The following PTPRD variants were observed in gnomAD, a reference collection of about 807,000 sequenced individuals.
PTPRD encodes protein tyrosine phosphatase receptor type D, also known as receptor-type tyrosine-protein phosphatase delta.
Under a neutral mutation model 214.5 loss-of-function variants are expected in PTPRD, and 34 were observed. That is an observed-to-expected ratio of 0.16 (90% CI 0.12 to 0.21). The LOEUF is 0.21. Ranked by LOEUF, PTPRD falls within the 10% of genes least tolerant of loss-of-function variation. PTPRD has a pLI of 1.00. For synonymous variants in PTPRD, 1,128 were observed against 845.7 expected, an observed-to-expected ratio of 1.33 and a Z score of -5.79; for missense variants, 2,545 against 2,398.7, an observed-to-expected ratio of 1.06 and a Z score of -1.27.
intron 9 of PTPRD, among the ~76,000 whole-genome samples, chr9:9,247,105 C>T (rs10977614): frequency 6.6e-6 from 1 of 151,930 alleles, no homozygotes; most frequent in East Asian, 1.9e-4. Flanking sequence ...TCACTCTAGC[C>T]TTCTTCCACC....
At chr9:8,766,974 T>A (rs1011107364) in intron 11 of PTPRD, among the ~76,000 whole-genome samples, 1 of 152,224 alleles carries the variant, frequency 6.6e-6, no homozygotes, top group Non-Finnish European at 1.5e-5. Flanking sequence ...GAGGACTTAC[T>A]GTATATGTTT....
At chr9:8,777,576 C>A (rs1430507851) in intron 11 of PTPRD, among the ~76,000 whole-genome samples, 1 of 152,104 alleles carries the variant, frequency 6.6e-6, no homozygotes, top group Non-Finnish European at 1.5e-5. Flanking sequence ...CTAAAACTGT[C>A]CTGAGAATGT....
intron 11 of PTPRD, among the ~76,000 whole-genome samples, chr9:8,829,550 T>A (rs1431130271): frequency 2.6e-5 from 4 of 152,208 alleles, no homozygotes; most frequent in Non-Finnish European, 5.9e-5. Context: ...GAAATCTTTA[T>A]CATAACACAC....
At chr9:10,294,260 C>T (rs2095611447) in intron 3 of PTPRD, among the ~76,000 whole-genome samples, 1 of 151,674 alleles carries the variant, frequency 6.6e-6, no homozygotes, top group Non-Finnish European at 1.5e-5. Flanking sequence ...TGATAATGTT[C>T]AGTGGTTCTG....
chr9:9,869,290 A>C (rs1053693237), intron 5 of PTPRD, among the ~76,000 whole-genome samples: 1 of 152,156 alleles, frequency 6.6e-6, no homozygotes, highest in African/African-American at 2.4e-5. Context: ...ATGCAGAAGA[A>C]ATGTTGCATT....
At chr9:8,759,606 G>C (rs1250140284) in intron 11 of PTPRD, among the ~76,000 whole-genome samples, 1 of 126,576 alleles carries the variant, frequency 7.9e-6, no homozygotes, top group African/African-American at 3.0e-5. Flanking sequence ...TTTTGTTCCT[G>C]TTACATTTCT....
At chr9:10,438,408 T>C (rs2154522663) in intron 2 of PTPRD, among the ~76,000 whole-genome samples, 1 of 151,794 alleles carries the variant, frequency 6.6e-6, no homozygotes, top group East Asian at 1.9e-4. Flanking sequence ...CATAATCCCA[T>C]TGTAAATAGA....
At chr9:8,462,687 C>T (rs1364165583) in intron 32 of PTPRD, among the ~76,000 whole-genome samples, 1 of 151,920 alleles carries the variant, frequency 6.6e-6, no homozygotes, top group African/African-American at 2.4e-5. Context: ...TTGAATACTG[C>T]CTCCAATGAA....
At chr9:9,339,430 G>T (rs1258347893) in intron 9 of PTPRD, among the ~76,000 whole-genome samples, 3 of 152,072 alleles carry the variant, frequency 2.0e-5, no homozygotes, top group Non-Finnish European at 4.4e-5. Context: ...AGCTTGCAGT[G>T]AGCCGAGATC....
intron 35 of PTPRD, among the ~76,000 whole-genome samples, chr9:8,425,871 C>T (rs867480393): frequency 1.1e-4 from 16 of 152,150 alleles, no homozygotes; most frequent in South Asian, 2.1e-4. Flanking sequence ...AGTTTCCATT[C>T]GTCAGTGAAA....
At position 9,126,784 on chromosome 9, in the gene PTPRD, A is replaced by ATTTG. The variant is rs536463695; in HGVS notation, c.-143+56516_-143+56519dup. Among the ~76,000 whole-genome samples, 917 of 152,312 alleles carry ATTTG rather than the reference A, an allele frequency of 6.0e-3. 7 individuals are homozygous for ATTTG. Among genetic ancestry groups the ATTTG allele is most frequent in the South Asian group, 0.03 (145 of 4,828 alleles). ...TCACTGAATGCTTTTGTACTGCTTC[A>ATTTG]TTTGTTGTTGTGCATTTGTAAGATT... On this transcript the variant is annotated intron_variant, in intron 10 of 45. Transcript: ENST00000381196.
intron 7 of PTPRD, among the ~76,000 whole-genome samples, chr9:9,715,859 T>C (rs1220016162): frequency 6.6e-6 from 1 of 152,176 alleles, no homozygotes; most frequent in Non-Finnish European, 1.5e-5. Context: ...TTGTTATTAT[T>C]ATTATTATTA....
At chr9:8,536,841 G>A (rs2077079828) in intron 14 of PTPRD, among the ~76,000 whole-genome samples, 1 of 151,932 alleles carries the variant, frequency 6.6e-6, no homozygotes, top group African/African-American at 2.4e-5. Context: ...AGCTTTATCT[G>A]GACAGGGAGA....
chr9:10,193,006 T>G (rs1296492953), intron 3 of PTPRD, among the ~76,000 whole-genome samples: 1 of 152,156 alleles, frequency 6.6e-6, no homozygotes, highest in Non-Finnish European at 1.5e-5. Flanking sequence ...CTTTTCCTTG[T>G]ATAAAATCCA....
At chr9:9,987,161 T>G (rs1411259696) in intron 4 of PTPRD, among the ~76,000 whole-genome samples, 1 of 152,118 alleles carries the variant, frequency 6.6e-6, no homozygotes, top group African/African-American at 2.4e-5. Context: ...ACCAACAACC[T>G]TTTCTCTGGG....
chr9:9,010,965 T>C (rs1181314214), intron 11 of PTPRD, among the ~76,000 whole-genome samples: 2 of 152,194 alleles, frequency 1.3e-5, no homozygotes, highest in African/African-American at 4.8e-5. Flanking sequence ...ATTTTAATGA[T>C]TAATATTGAT....
chr9:9,272,839 T>C (rs1429593225), intron 9 of PTPRD, among the ~76,000 whole-genome samples: 3 of 151,222 alleles, frequency 2.0e-5, no homozygotes, highest in African/African-American at 7.3e-5. Flanking sequence ...AGATATTCTG[T>C]GGTGATGCAG....
intron 25 of PTPRD, among the ~76,000 whole-genome samples, chr9:8,498,447 T>A (rs1448502430): frequency 6.6e-6 from 1 of 151,992 alleles, no homozygotes; most frequent in East Asian, 1.9e-4. Context: ...CTGGCTAATT[T>A]TTGTATTTTT....
intron 3 of PTPRD, among the ~76,000 whole-genome samples, chr9:10,094,821 G>A (rs1464126262): frequency 6.6e-6 from 1 of 151,382 alleles, no homozygotes; most frequent in African/African-American, 2.4e-5. Flanking sequence ...AACCAACAGT[G>A]AAAAGCTTTC....
Sources: gnomAD v4.1 joint callset for allele counts (sites outside exome capture counted in the v4.1 genomes callset) on GRCh38, gnomAD v4.1.1 for gene constraint, MANE v1.5 for transcripts, NCBI Gene and HGNC (gene_info 2026-07-23, HGNC 2026-07-21) for gene names.